Variants in SUCLG2 observed in about 807,000 individuals in gnomAD.
The protein encoded by SUCLG2 is succinate--CoA ligase [GDP-forming] subunit beta, mitochondrial.
A neutral mutation model predicts 47.9 loss-of-function variants in SUCLG2; 42 were observed. The observed-to-expected ratio is 0.88, with a 90% CI of 0.69 to 1.14. SUCLG2 has a LOEUF of 1.14. Ranked by LOEUF, SUCLG2 falls within the 50% of genes most tolerant of loss-of-function variation. SUCLG2 has a pLI of 0.00. For missense variants in SUCLG2, 571 were observed against 525.9 expected (o/e 1.09, Z -0.84); for synonymous variants, 195 against 197.3 (o/e 0.99, Z 0.10).
At chr3:67,418,992 A>C (rs9832372) in intron 9 of SUCLG2, among the ~76,000 whole-genome samples, 12,947 of 152,188 alleles carry the variant, frequency 0.085, 652 homozygotes, top group African/African-American at 0.13. Flanking sequence ...GATTTAAAAA[A>C]AAAAAAGGTC....
At chr3:67,466,115 G>A (rs1159094934) in intron 9 of SUCLG2, among the ~76,000 whole-genome samples, 1 of 152,084 alleles carries the variant, frequency 6.6e-6, no homozygotes, top group African/African-American at 2.4e-5. Flanking sequence ...CACTTTGGGA[G>A]GCTGAGGCAG....
At chr3:67,529,864 C>T (rs116442032) in intron 2 of SUCLG2, among the ~76,000 whole-genome samples, 7 of 152,278 alleles carry the variant, frequency 4.6e-5, no homozygotes, top group South Asian at 2.1e-4. Flanking sequence ...ACTTTTTAGA[C>T]GAGAGTTATT....
chr3:67,437,632 T>C (rs1026288747), intron 9 of SUCLG2, among the ~76,000 whole-genome samples: 1 of 152,112 alleles, frequency 6.6e-6, no homozygotes, highest in Non-Finnish European at 1.5e-5. Flanking sequence ...ATTATAAGGG[T>C]AAATTTCTTC....
At chr3:67,561,637 T>C (rs1309753380) in intron 2 of SUCLG2, among the ~76,000 whole-genome samples, 1 of 152,154 alleles carries the variant, frequency 6.6e-6, no homozygotes, top group East Asian at 1.9e-4. Context: ...CAACATTCAA[T>C]CAACCATTCC....
intron 1 of SUCLG2, 46 bp from the exon 2 acceptor site, chr3:67,609,642 G>A: frequency 6.3e-7 from 1 of 1,581,684 alleles, no homozygotes; most frequent in East Asian, 2.3e-5. Flanking sequence ...TTAATAGCAA[G>A]AAAAATAAAA....
chr3:67,505,184 C>T (rs1705602065), intron 7 of SUCLG2, among the ~76,000 whole-genome samples: 1 of 152,136 alleles, frequency 6.6e-6, no homozygotes, highest in Admixed American at 6.5e-5. Context: ...TTATGGAGCA[C>T]TGGGAGCCAT....
chr3:67,395,227 C>A (rs983453987), intron 10 of SUCLG2, among the ~76,000 whole-genome samples: 114 of 152,068 alleles, frequency 7.5e-4, no homozygotes, highest in Middle Eastern at 3.4e-3. Flanking sequence ...CACAGACTGG[C>A]AAATTGGATA....
chr3:67,534,057 A>G (rs1706473028), intron 2 of SUCLG2, among the ~76,000 whole-genome samples: 1 of 152,172 alleles, frequency 6.6e-6, no homozygotes, highest in Non-Finnish European at 1.5e-5. Context: ...GTGTATGTCT[A>G]AAACAGCCAC....
At chr3:67,623,074 A>AATATAT (rs138501407) in intron 1 of SUCLG2, among the ~76,000 whole-genome samples, 2 of 151,060 alleles carry the variant, frequency 1.3e-5, no homozygotes, top group East Asian at 1.9e-4. Flanking sequence ...ATCTCATTTA[A>AATATAT]ATATATATAT....
intron 7 of SUCLG2, among the ~76,000 whole-genome samples, chr3:67,507,394 T>C (rs112264027): frequency 0.019 from 2,946 of 152,290 alleles, 56 homozygotes; most frequent in Non-Finnish European, 0.027. Context: ...AGAAGAGGAA[T>C]TTCATTTTAT....
chr3:67,582,932 T>C (rs923679979), intron 2 of SUCLG2, among the ~76,000 whole-genome samples: 1 of 152,180 alleles, frequency 6.6e-6, no homozygotes, highest in Non-Finnish European at 1.5e-5. Context: ...TCTCAGTCTA[T>C]TCATTTTGAT....
At chr3:67,653,717 T>C (rs2107393335) in intron 1 of SUCLG2, among the ~76,000 whole-genome samples, 1 of 152,370 alleles carries the variant, frequency 6.6e-6, no homozygotes, top group Non-Finnish European at 1.5e-5. Context: ...GAGTGATTTC[T>C]ACAAGAGTCA....
chr3:67,451,040 G>A (rs921951373), intron 9 of SUCLG2, among the ~76,000 whole-genome samples: 1 of 152,110 alleles, frequency 6.6e-6, no homozygotes, highest in African/African-American at 2.4e-5. Context: ...AGTTCTATGA[G>A]GAAGGTCTTC....
chr3:67,601,973 G>C (rs1375063269), intron 2 of SUCLG2, among the ~76,000 whole-genome samples: 3 of 150,204 alleles, frequency 2.0e-5, no homozygotes, highest in Non-Finnish European at 4.4e-5. Context: ...CAGAGCAAAA[G>C]TGTCTCAAAA....
Position 67,508,964 on chromosome 3 carries a change from G to T in SUCLG2, c.661-61C>A. On this transcript the variant is annotated intron_variant, in intron 6 of 10. Coordinates refer to ENST00000307227, the MANE Select transcript of SUCLG2 (RefSeq NM_003848.4). ...GCAGTAAAAGAAAATTTATTTTGCT[G>T]GATTAATGAAACCTTAAAAATAGCA... The T allele has an allele frequency of 3.8e-6, 5 of 1,308,064 alleles. No individual in the cohort carries two copies. The South Asian group carries it at 4.1e-5, about 11-fold the overall frequency. 81.0% of individuals were successfully genotyped at this position (1,308,064 alleles called of 1,614,324 possible).
chr3:67,622,966 G>C (rs978374192), intron 1 of SUCLG2, among the ~76,000 whole-genome samples: 1 of 152,158 alleles, frequency 6.6e-6, no homozygotes, highest in African/African-American at 2.4e-5. Context: ...AAGTAGCTTG[G>C]TCTTATGTCA....
At chr3:67,522,791 G>T (rs1706152169) in intron 4 of SUCLG2, among the ~76,000 whole-genome samples, 1 of 150,400 alleles carries the variant, frequency 6.6e-6, no homozygotes, top group Non-Finnish European at 1.5e-5. Flanking sequence ...AGCCTCCCAA[G>T]TAGCTGGGAC....
At chr3:67,424,285 T>TA (rs1476784328) in intron 9 of SUCLG2, among the ~76,000 whole-genome samples, 1 of 152,222 alleles carries the variant, frequency 6.6e-6, no homozygotes, top group Non-Finnish European at 1.5e-5. Flanking sequence ...GGGGGGAATC[T>TA]AAAGCCCAAT....
chr3:67,606,123 C>T (rs377128257), intron 2 of SUCLG2, among the ~76,000 whole-genome samples: 1 of 151,954 alleles, frequency 6.6e-6, no homozygotes, highest in Admixed American at 6.6e-5. Context: ...GAGGATCACT[C>T]GAGCCCAGGA....
Sources: allele counts gnomAD v4.1 joint callset (sites outside exome capture counted in the v4.1 genomes callset), GRCh38; gene constraint gnomAD v4.1.1; transcripts MANE v1.5; gene names NCBI Gene and HGNC (gene_info 2026-07-23, HGNC 2026-07-21).